The following RASA3 variants were observed in gnomAD, a reference collection of about 807,000 sequenced individuals.
RASA3 encodes ras GTPase-activating protein 3.
RASA3 carries 73 observed loss-of-function variants against 110.0 expected under a neutral mutation model. That is an observed-to-expected ratio of 0.66 (90% CI 0.55 to 0.81). The LOEUF is 0.81. Among genes scored for constraint, RASA3 ranks in the 30% least tolerant of loss-of-function variants. The pLI is 0.00. For synonymous variants in RASA3, 500 were observed against 451.4 expected, an observed-to-expected ratio of 1.11 and a Z score of -1.37; for missense variants, 976 against 1,113.2, an observed-to-expected ratio of 0.88 and a Z score of 1.75.
intron 21 of RASA3, among the ~76,000 whole-genome samples, chr13:113,996,118 G>A (rs1160462027): frequency 1.3e-5 from 2 of 150,064 alleles, no homozygotes; most frequent in African/African-American, 2.4e-5. Context: ...CTGATGGGGG[G>A]CCGGGAAGAC....
chr13:114,121,349 G>A (rs1204552656), intron 1 of RASA3, among the ~76,000 whole-genome samples: 2 of 152,196 alleles, frequency 1.3e-5, no homozygotes, highest in African/African-American at 4.8e-5. Flanking sequence ...GAATAAAAAT[G>A]ATTAAGAACT....
intron 2 of RASA3, among the ~76,000 whole-genome samples, chr13:114,062,971 A>G (rs2079387285): frequency 6.6e-6 from 1 of 152,228 alleles, no homozygotes; most frequent in Non-Finnish European, 1.5e-5. Flanking sequence ...CGGCGACAGA[A>G]CGGGGACCCG....
chr13:114,069,690 G>GT (rs2079527908), intron 2 of RASA3, among the ~76,000 whole-genome samples: 1 of 1,654 alleles, frequency 6.0e-4, no homozygotes, highest in African/African-American at 2.9e-3. Context: ...AAACTGGGGG[G>GT]CCAGGAGACT....
rs775688808 is a variant in RASA3 at position 114,017,187 on chromosome 13, A to G, written c.1206+50T>C. 3 of 1,529,498 alleles carry G rather than the reference A, an allele frequency of 2.0e-6. No homozygotes were observed. In the African/African-American group the frequency reaches 4.1e-5, roughly 21 times the overall value. 94.7% of individuals were successfully genotyped at this position (1,529,498 alleles called of 1,614,324 possible). On this transcript the variant is annotated intron_variant, in intron 12 of 23. Transcript: ENST00000334062. ...CCAGTGCAGTGCCCTCTGTTGGGGG[A>G]AATCCTCCCCACGCCTCGTGAGGCT...
chr13:114,003,977 G>A (rs1269966556), intron 18 of RASA3, among the ~76,000 whole-genome samples: 1 of 152,168 alleles, frequency 6.6e-6, no homozygotes, highest in Non-Finnish European at 1.5e-5. Flanking sequence ...CTCGCTGAAA[G>A]AACTTTTTGT....
rs1335272189 is a variant in RASA3 at position 114,065,287 on chromosome 13, A to AT, written c.173+8432dup. Among the ~76,000 whole-genome samples, 1 of 152,228 alleles carries AT rather than the reference A, an allele frequency of 6.6e-6. No homozygotes were observed. The highest frequency in any genetic ancestry group is 1.5e-5 in the Non-Finnish European group (1 of 68,034). On this transcript the variant is annotated intron_variant, in intron 2 of 23. Transcript: ENST00000334062. The surrounding 1 kb of genome is among the most constrained non-coding windows in gnomAD (Gnocchi z 4.1). ...GCTCCCATCACGTGATCATAAGAAA[A>AT]TAAACCTGGTTTCCCAGCTCTGTGC...
At chr13:114,027,591 G>A (rs946926751) in intron 6 of RASA3, 130 bp from the exon 7 acceptor site, 3 of 791,036 alleles carry the variant, frequency 3.8e-6, no homozygotes, top group Middle Eastern at 2.4e-4. Context: ...ATTTCTGCTG[G>A]TCTCCAACTC....
At chr13:114,040,902 C>T in intron 4 of RASA3, 98 bp downstream of exon 4, 1 of 1,156,358 alleles carries the variant, frequency 8.6e-7, no homozygotes. Context: ...AAGGCCGAAG[C>T]CCGATCTACG....
intron 1 of RASA3, among the ~76,000 whole-genome samples, chr13:114,092,784 T>C (rs918895645): frequency 1.3e-5 from 2 of 152,232 alleles, no homozygotes; most frequent in Non-Finnish European, 1.5e-5. Flanking sequence ...TATTATTGTA[T>C]TACAGTCTGT....
chr13:114,052,871 ACCCCC>A, intron 2 of RASA3, among the ~76,000 whole-genome samples: 1 of 84,356 alleles, frequency 1.2e-5, no homozygotes, highest in African/African-American at 5.5e-5. Context: ...TGGGGGAGAG[ACCCCC>A]GCTGCTGACT....
chr13:114,094,722 G>T (rs1372884844), intron 1 of RASA3, among the ~76,000 whole-genome samples: 1 of 152,174 alleles, frequency 6.6e-6, no homozygotes, highest in East Asian at 1.9e-4. Flanking sequence ...GCAAGAAAGG[G>T]TATAAATAAA....
chr13:114,054,390 C>A (rs996776192), intron 2 of RASA3, among the ~76,000 whole-genome samples: 3 of 152,154 alleles, frequency 2.0e-5, no homozygotes, highest in Admixed American at 6.5e-5. Context: ...GGAGATACGG[C>A]ACAGGCATAA....
intron 2 of RASA3, among the ~76,000 whole-genome samples, chr13:114,055,161 CGT>C (rs2079221585): frequency 6.6e-6 from 1 of 151,942 alleles, no homozygotes; most frequent in Non-Finnish European, 1.5e-5. Context: ...CCCACAGGCA[CGT>C]GTGCATGGGT....
intron 2 of RASA3, among the ~76,000 whole-genome samples, chr13:114,064,462 G>A (rs981642317): frequency 6.6e-6 from 1 of 152,184 alleles, no homozygotes; most frequent in Admixed American, 6.5e-5. Flanking sequence ...AACACTCCCA[G>A]GTGCAAAGCC....
At chr13:113,998,446 G>A (rs1041818436) in intron 20 of RASA3, among the ~76,000 whole-genome samples, 8 of 152,232 alleles carry the variant, frequency 5.3e-5, no homozygotes, top group African/African-American at 1.9e-4. Flanking sequence ...ACGAGGCCCA[G>A]GGACTGTGCC....
chr13:114,000,523 C>T (rs1377944187), intron 19 of RASA3, among the ~76,000 whole-genome samples: 1 of 152,168 alleles, frequency 6.6e-6, no homozygotes, highest in Non-Finnish European at 1.5e-5. Context: ...CTGGCCATGA[C>T]GAGGCGACCA....
chr13:114,017,105 C>T (rs1453704574), intron 12 of RASA3, 132 bp downstream of exon 12: 3 of 759,034 alleles, frequency 4.0e-6, no homozygotes, highest in Non-Finnish European at 6.9e-6. Flanking sequence ...AATCAGCATC[C>T]CCGTGGCGAG....
intron 1 of RASA3, among the ~76,000 whole-genome samples, chr13:114,098,437 C>T (rs753814794): frequency 3.3e-4 from 50 of 152,120 alleles, no homozygotes; most frequent in African/African-American, 1.1e-3. Context: ...AACAGAGACA[C>T]GAACAGGTGA....
At chr13:114,045,501 C>G (rs1256669889) in intron 3 of RASA3, among the ~76,000 whole-genome samples, 2 of 152,204 alleles carry the variant, frequency 1.3e-5, no homozygotes, top group Non-Finnish European at 2.9e-5. Context: ...CTGCCCGAGA[C>G]AGGGAATGCG....
Sources: allele counts gnomAD v4.1 joint callset (sites outside exome capture counted in the v4.1 genomes callset), GRCh38; gene constraint gnomAD v4.1.1; non-coding constraint Gnocchi (gnomAD v3.1); transcripts MANE v1.5; gene names NCBI Gene and HGNC (gene_info 2026-07-23, HGNC 2026-07-21).